Variants in XXYLT1 observed in about 807,000 individuals in gnomAD.
XXYLT1 encodes the protein xyloside xylosyltransferase 1.
Under a neutral mutation model 28.9 loss-of-function variants are expected in XXYLT1, and 20 were observed. That is an observed-to-expected ratio of 0.69 (90% CI 0.49 to 1.00). The LOEUF (loss-of-function observed/expected upper bound fraction) is 1.00, where lower values mean the gene tolerates loss of function less well. Among genes scored for constraint, XXYLT1 ranks in the 50% least tolerant of loss-of-function variants. The pLI, the probability that XXYLT1 is intolerant of heterozygous loss-of-function variation, is 0.00. For synonymous variants in XXYLT1, 257 were observed against 253.8 expected (o/e 1.01, Z -0.12); for missense variants, 542 against 560.1 (o/e 0.97, Z 0.33).
intron 1 of XXYLT1, among the ~76,000 whole-genome samples, chr3:195,254,919 G>C (rs1308403388): frequency 6.6e-6 from 1 of 152,194 alleles, no homozygotes; most frequent in African/African-American, 2.4e-5. Context: ...CCACCTCCCA[G>C]AAAGATGAGG....
chr3:195,200,014 C>T (rs1438643131), intron 2 of XXYLT1, among the ~76,000 whole-genome samples: 1 of 152,244 alleles, frequency 6.6e-6, no homozygotes, highest in African/African-American at 2.4e-5. Flanking sequence ...AAATCTCCAG[C>T]ATGATGGTGT....
At chr3:195,225,308 C>G (rs1724001896) in intron 2 of XXYLT1, among the ~76,000 whole-genome samples, 1 of 152,210 alleles carries the variant, frequency 6.6e-6, no homozygotes, top group Admixed American at 6.5e-5. Context: ...AGAGGACACT[C>G]AGAGGCCTCC....
intron 3 of XXYLT1, among the ~76,000 whole-genome samples, chr3:195,101,785 AC>A (rs1252678462): frequency 7.0e-6 from 1 of 143,136 alleles, no homozygotes; most frequent in Non-Finnish European, 1.5e-5. Flanking sequence ...ATGTAGCGAG[AC>A]CCTATCTCTA....
chr3:195,263,087 A>G (rs1725742650), intron 1 of XXYLT1, among the ~76,000 whole-genome samples: 1 of 152,198 alleles, frequency 6.6e-6, no homozygotes, highest in African/African-American at 2.4e-5. Flanking sequence ...AGCTTCATCA[A>G]TGAGACAGCC....
At chr3:195,235,888 A>T (rs1452780903) in intron 1 of XXYLT1, among the ~76,000 whole-genome samples, 2 of 149,736 alleles carry the variant, frequency 1.3e-5, no homozygotes, top group Non-Finnish European at 3.0e-5. Flanking sequence ...ATATCTATAA[A>T]TATATAGACA....
At chr3:195,213,428 C>T (rs1723421225) in intron 2 of XXYLT1, among the ~76,000 whole-genome samples, 2 of 152,152 alleles carry the variant, frequency 1.3e-5, no homozygotes, top group African/African-American at 4.8e-5. Context: ...CCATGCCCAG[C>T]TAATTTTGTA....
At chr3:195,139,432 G>A (rs1164566610) in intron 3 of XXYLT1, among the ~76,000 whole-genome samples, 1 of 152,204 alleles carries the variant, frequency 6.6e-6, no homozygotes, top group Non-Finnish European at 1.5e-5. Flanking sequence ...GCTGCTTACG[G>A]ATCTCTCATC....
At position 195,187,252 on chromosome 3, in the gene XXYLT1, AAG is replaced by A. The variant is rs1491381238; in HGVS notation, c.653-30673_653-30672del. On this transcript the variant is annotated intron_variant, in intron 2 of 3. Transcript: ENST00000310380. Reference sequence around the variant, plus strand: ...GACTCCATCTCAAAAAAAAAAAAAAAAGATAGAGACGGGGTTTCACCATATTT... The same window carrying A: ...GACTCCATCTCAAAAAAAAAAAAAAAATAGAGACGGGGTTTCACCATATTT... Among the ~76,000 whole-genome samples the A allele has an allele frequency of 3.3e-4, 48 of 146,804 alleles. 2 individuals carry two copies. The highest frequency in any genetic ancestry group is 8.8e-4 in the African/African-American group (33 of 37,440).
chr3:195,097,121 G>A (rs529251657), intron 3 of XXYLT1, among the ~76,000 whole-genome samples: 3 of 152,256 alleles, frequency 2.0e-5, no homozygotes, highest in South Asian at 2.1e-4. Context: ...CATATAGGCC[G>A]GTTCATTTTT....
intron 1 of XXYLT1, among the ~76,000 whole-genome samples, chr3:195,239,035 C>G: frequency 6.6e-6 from 1 of 152,210 alleles, no homozygotes; most frequent in African/African-American, 2.4e-5. Context: ...ATCCCATCAG[C>G]ATGAATAGAC....
At chr3:195,170,615 C>G (rs1260466137) in intron 2 of XXYLT1, among the ~76,000 whole-genome samples, 1 of 152,214 alleles carries the variant, frequency 6.6e-6, no homozygotes, top group East Asian at 1.9e-4. Context: ...CTACATTTCC[C>G]CATCTCTTCT....
intron 2 of XXYLT1, among the ~76,000 whole-genome samples, chr3:195,166,207 G>A (rs1203597777): frequency 2.0e-5 from 3 of 151,332 alleles, no homozygotes; most frequent in African/African-American, 7.3e-5. Flanking sequence ...CAAAGATTCT[G>A]TTTACCAAAC....
At chr3:195,074,249 G>A (rs957239912) in intron 3 of XXYLT1, among the ~76,000 whole-genome samples, 2 of 152,230 alleles carry the variant, frequency 1.3e-5, no homozygotes, top group Non-Finnish European at 2.9e-5. Context: ...AGTTCAGGCT[G>A]TAGACTGTCA....
intron 2 of XXYLT1, among the ~76,000 whole-genome samples, chr3:195,200,384 T>C (rs1722802103): frequency 6.6e-6 from 1 of 152,168 alleles, no homozygotes; most frequent in Non-Finnish European, 1.5e-5. Flanking sequence ...GTGGATTACA[T>C]GAGATAATTC....
intron 3 of XXYLT1, among the ~76,000 whole-genome samples, chr3:195,111,519 T>C (rs1047237815): frequency 7.9e-5 from 12 of 152,088 alleles, no homozygotes; most frequent in African/African-American, 2.9e-4. Flanking sequence ...TCTCTCTGGC[T>C]AGGATGGCGC....
In XXYLT1 at chr3:195,115,864, C is replaced by T. The variant is rs543594524; in HGVS notation, c.785+40585G>A. Among the ~76,000 whole-genome samples, 24 of 152,122 alleles carry T rather than the reference C, an allele frequency of 1.6e-4. No homozygotes were observed. Among genetic ancestry groups the T allele is most frequent in the Non-Finnish European group, 3.1e-4 (21 of 68,034 alleles). ...CAGCTCTGTATGAAAACTGGAGGCG[C>T]TGAGGCTGTCCTCAGGCTCAGGAGA... On this transcript the variant is annotated intron_variant, in intron 3 of 3. Transcript: ENST00000310380. The surrounding 1 kb of genome is among the most constrained non-coding windows in gnomAD (Gnocchi z 4.2).
At position 195,133,565 on chromosome 3, in the gene XXYLT1, C is replaced by T. The variant is rs1719009497; in HGVS notation, c.785+22884G>A. ...GATGTTCAGCTTCCAGCATGATAAA[C>T]ATTTCATATTTGAGTCACCTCTGCT... On this transcript the variant is annotated intron_variant, in intron 3 of 3. Coordinates refer to ENST00000310380, the MANE Select transcript of XXYLT1 (RefSeq NM_152531.5). This position sits in a 1 kb window ranked among gnomAD's most constrained non-coding sequence, Gnocchi z 4.4. Among the ~76,000 whole-genome samples the T allele has an allele frequency of 6.6e-6, 1 of 152,198 alleles. No homozygotes were observed. The highest frequency in any genetic ancestry group is 2.1e-4 in the South Asian group (1 of 4,818).
rs1244772905 is a variant in XXYLT1 at position 195,068,437 on chromosome 3, C to T, written c.*1278G>A. ...CAGGAGGCCCCATCAAAAGAAATGA[C>T]GCTTTAATTTCTGCTAAGGTCTACG... On this transcript the variant is annotated 3_prime_UTR_variant, in exon 4 of 4. Transcript: ENST00000310380. 2.6e-5 allele frequency: 4 copies of T among 152,144 alleles called. No individual in the cohort carries two copies. The highest frequency in any genetic ancestry group is 1.9e-4 in the East Asian group (1 of 5,202). 9.4% of individuals were successfully genotyped at this position (152,144 alleles called of 1,614,324 possible). A position where few individuals can be genotyped will look rare whatever the true frequency, so the allele number is the denominator to read the frequency against.
chr3:195,153,232 C>T (rs1720374732), intron 3 of XXYLT1, among the ~76,000 whole-genome samples: 3 of 152,242 alleles, frequency 2.0e-5, no homozygotes, highest in Admixed American at 2.0e-4. Flanking sequence ...GCCGGATCTC[C>T]CAGGTCCCCA....
Sources: allele counts gnomAD v4.1 joint callset (sites outside exome capture counted in the v4.1 genomes callset), GRCh38; gene constraint gnomAD v4.1.1; non-coding constraint Gnocchi (gnomAD v3.1); transcripts MANE v1.5; gene names NCBI Gene and HGNC (gene_info 2026-07-23, HGNC 2026-07-21).